RBFOX2: variants seen among roughly 807,000 people sequenced by gnomAD.
RBFOX2 encodes RNA binding protein fox-1 homolog 2.
A neutral mutation model predicts 49.1 loss-of-function variants in RBFOX2; 10 were observed. The observed-to-expected ratio is 0.20, with a 90% confidence interval of 0.13 to 0.35. The LOEUF (loss-of-function observed/expected upper bound fraction) is 0.35, where lower values mean the gene tolerates loss of function less well. RBFOX2 is among the 10% of genes least tolerant of loss of function. The probability of loss-of-function intolerance (pLI) is 1.00; values close to 1 mark genes in which losing one functional copy is unlikely to be tolerated. For synonymous variants in RBFOX2, 183 were observed against 187.4 expected, an observed-to-expected ratio of 0.98 and a Z score of 0.19; for missense variants, 323 against 486.9, an observed-to-expected ratio of 0.66 and a Z score of 3.17.
chr22:35,805,459 G>A (rs931572763), intron 2 of RBFOX2, among the ~76,000 whole-genome samples: 2 of 152,032 alleles, frequency 1.3e-5, no homozygotes, highest in Non-Finnish European at 2.9e-5. Context: ...TATTAGAATG[G>A]CCAAAATCCA....
chr22:35,893,850 GAAGGGCA>G (rs951875895), intron 1 of RBFOX2, among the ~76,000 whole-genome samples: 1 of 151,974 alleles, frequency 6.6e-6, no homozygotes, highest in Non-Finnish European at 1.5e-5. Flanking sequence ...CATCTGGGCT[GAAGGGCA>G]AAGGGCAAAG....
At chr22:35,847,074 A>C (rs2041310242) in intron 1 of RBFOX2, among the ~76,000 whole-genome samples, 1 of 152,208 alleles carries the variant, frequency 6.6e-6, no homozygotes, top group Admixed American at 6.5e-5. Flanking sequence ...CTTCAGGAAC[A>C]GTTTCTTAAA....
chr22:35,826,877 C>T (rs957989515), intron 1 of RBFOX2, among the ~76,000 whole-genome samples: 1 of 152,126 alleles, frequency 6.6e-6, no homozygotes, highest in Non-Finnish European at 1.5e-5. Flanking sequence ...TGAATGTGGC[C>T]TCCTTCTCGC....
At chr22:35,930,400 T>C (rs766931524) in intron 1 of RBFOX2, among the ~76,000 whole-genome samples, 1 of 152,144 alleles carries the variant, frequency 6.6e-6, no homozygotes, top group African/African-American at 2.4e-5. Context: ...GAAACAAATA[T>C]GTAAGACAGG....
intron 1 of RBFOX2, among the ~76,000 whole-genome samples, chr22:35,825,501 T>C (rs1221810827): frequency 2.6e-5 from 4 of 151,392 alleles, no homozygotes; most frequent in Admixed American, 6.6e-5. Context: ...ATACCTGTCA[T>C]CAAAATGGGG....
chr22:35,816,847 T>G (rs1953181408), intron 1 of RBFOX2, among the ~76,000 whole-genome samples: 1 of 152,174 alleles, frequency 6.6e-6, no homozygotes, highest in African/African-American at 2.4e-5. Context: ...AGTAAGAAAC[T>G]ACTTCCATAC....
At chr22:35,785,691 C>T (rs1256389104) in intron 2 of RBFOX2, among the ~76,000 whole-genome samples, 1 of 152,158 alleles carries the variant, frequency 6.6e-6, no homozygotes, top group Non-Finnish European at 1.5e-5. Context: ...TATCTCATTC[C>T]ATTCAGGCCT....
chr22:35,771,803 C>G (rs372201159), intron 4 of RBFOX2, among the ~76,000 whole-genome samples: 2 of 152,074 alleles, frequency 1.3e-5, no homozygotes, highest in East Asian at 1.9e-4. Context: ...TAAAATTTAG[C>G]ATTTTAGAAA....
At chr22:35,899,045 G>A (rs999387403) in intron 1 of RBFOX2, among the ~76,000 whole-genome samples, 25 of 152,024 alleles carry the variant, frequency 1.6e-4, no homozygotes, top group Non-Finnish European at 4.4e-5. Context: ...TTGAACCCAG[G>A]AGGCAGAGGT....
chr22:35,999,501 G>T (rs972364867), intron 1 of RBFOX2: 4 of 152,010 alleles, frequency 2.6e-5, no homozygotes, highest in African/African-American at 7.3e-5. Context: ...AGGTTAAAAT[G>T]AACTGTGATA....
chr22:35,930,823 T>G (rs1471271627), intron 1 of RBFOX2, among the ~76,000 whole-genome samples: 5 of 152,050 alleles, frequency 3.3e-5, no homozygotes, highest in African/African-American at 9.7e-5. Context: ...CAACAAGACC[T>G]TGTCTCAAAA....
At chr22:35,757,747 T>C (rs1479900029) in intron 9 of RBFOX2, among the ~76,000 whole-genome samples, 1 of 152,320 alleles carries the variant, frequency 6.6e-6, no homozygotes, top group Non-Finnish European at 1.5e-5. Flanking sequence ...AGTCTCCAGT[T>C]GCAGTTAAAG....
intron 1 of RBFOX2, chr22:35,995,611 A>T (rs944592836): frequency 2.6e-5 from 4 of 152,872 alleles, no homozygotes; most frequent in Non-Finnish European, 5.8e-5. Flanking sequence ...TGAGTTCTCG[A>T]GTGATCGTTT....
chr22:35,747,338 T>C (rs1339771928), intron 9 of RBFOX2: 1 of 152,246 alleles, frequency 6.6e-6, no homozygotes, highest in East Asian at 1.9e-4. Context: ...TCAGGAACCC[T>C]GCTTCTAGCA....
At chr22:35,933,953 T>TACAC (rs1556421360) in intron 1 of RBFOX2, among the ~76,000 whole-genome samples, 69 of 141,080 alleles carry the variant, frequency 4.9e-4, no homozygotes, top group African/African-American at 1.8e-3. Flanking sequence ...TATATATATA[T>TACAC]ACACACATCA....
chr22:35,785,675 G>A (rs1440585950), intron 2 of RBFOX2, among the ~76,000 whole-genome samples: 1 of 152,168 alleles, frequency 6.6e-6, no homozygotes, highest in East Asian at 1.9e-4. Context: ...AGTGATGGCA[G>A]CTTTTTATCT....
At chr22:36,010,901 G>A (rs2058797794) in intron 1 of RBFOX2, among the ~76,000 whole-genome samples, 1 of 152,178 alleles carries the variant, frequency 6.6e-6, no homozygotes, top group Non-Finnish European at 1.5e-5. Context: ...TCCACAGACA[G>A]AGGGGTTAAG....
intron 9 of RBFOX2, among the ~76,000 whole-genome samples, chr22:35,753,376 T>G (rs534287547): frequency 1.3e-5 from 2 of 152,338 alleles, no homozygotes; most frequent in Admixed American, 6.5e-5. Context: ...AAGCAACAGT[T>G]GTATTAGGCC....
rs552198977 is a variant in RBFOX2, at chr22:35,905,971, A to G, written c.-34+32876T>C. Among the ~76,000 whole-genome samples the G allele has an allele frequency of 2.0e-4, 30 of 152,320 alleles. 1 individual carries two copies. The South Asian group carries it at 5.8e-3, about 29-fold the overall frequency. On this transcript the variant is annotated intron_variant, in intron 1 of 13. Transcript: ENST00000359369. The stretch of plus-strand genomic sequence containing the variant: ...AGTAATCAGTAGAGTAACATGCTGT[A>G]CTGGTTTGCAGCCTAAAGGCATTAG...
Sources: gnomAD v4.1 joint callset for allele counts (sites outside exome capture counted in the v4.1 genomes callset) on GRCh38, gnomAD v4.1.1 for gene constraint, MANE v1.5 for transcripts, NCBI Gene and HGNC (gene_info 2026-07-23, HGNC 2026-07-21) for gene names.